Variants in DACH2 observed in about 807,000 individuals in gnomAD.
DACH2 encodes dachshund family transcription factor 2.
In DACH2, 17 loss-of-function variants were observed where a neutral mutation model predicts 35.8. That is an observed-to-expected ratio of 0.48 (90% confidence interval 0.33 to 0.71). The LOEUF is 0.71. Among genes scored for constraint, DACH2 ranks in the 30% least tolerant of loss-of-function variants. The probability of loss-of-function intolerance (pLI) is 0.02; values close to 1 mark genes in which losing one functional copy is unlikely to be tolerated. For missense variants in DACH2, 469 were observed against 472.7 expected, an observed-to-expected ratio of 0.99 and a Z score of 0.07; for synonymous variants, 195 against 177.3, an observed-to-expected ratio of 1.10 and a Z score of -0.79.
At chrX:86,420,728 G>A (rs936836243) in intron 2 of DACH2, among the ~76,000 whole-genome samples, 11 of 111,002 alleles carry the variant, frequency 9.9e-5, no homozygotes. Flanking sequence ...TTACTTTTAT[G>A]TAACATTTAA....
At chrX:86,184,214 T>A (rs2031605398) in intron 1 of DACH2, 1 of 158,200 alleles carries the variant, frequency 6.3e-6, no homozygotes, top group Non-Finnish European at 1.1e-5. Context: ...GTCTTCTGAT[T>A]TTTTTTTTTT....
chrX:86,538,349 G>A (rs2148296105), intron 3 of DACH2, among the ~76,000 whole-genome samples: 1 of 111,150 alleles, frequency 9.0e-6, no homozygotes, highest in South Asian at 3.8e-4. Flanking sequence ...GGCAATCTAG[G>A]CTTTTTCTTC....
At chrX:86,212,714 T>A (rs2032473872) in intron 1 of DACH2, among the ~76,000 whole-genome samples, 1 of 111,571 alleles carries the variant, frequency 9.0e-6, no homozygotes, top group African/African-American at 3.2e-5. Context: ...ATTATCTCAT[T>A]AACTAGGAGA....
chrX:86,464,221 G>A (rs2037625434), intron 2 of DACH2, among the ~76,000 whole-genome samples: 1 of 111,281 alleles, frequency 9.0e-6, no homozygotes, highest in Admixed American at 9.6e-5. Context: ...ACACACACAC[G>A]TATGTTTATT....
intron 2 of DACH2, among the ~76,000 whole-genome samples, chrX:86,404,679 C>T (rs147363188): frequency 1.8e-5 from 2 of 111,673 alleles, no homozygotes; most frequent in African/African-American, 3.3e-5. Context: ...TTGGATCTAA[C>T]GTTCTGGGAT....
intron 2 of DACH2, among the ~76,000 whole-genome samples, chrX:86,430,544 C>A (rs2036968860): frequency 8.9e-6 from 1 of 112,235 alleles, no homozygotes; most frequent in African/African-American, 3.2e-5. Context: ...ATTGTTTTAA[C>A]TGAATTATAT....
intron 3 of DACH2, among the ~76,000 whole-genome samples, chrX:86,535,956 C>A (rs5923553): frequency 1.8e-5 from 2 of 110,908 alleles, no homozygotes; most frequent in African/African-American, 6.6e-5. Context: ...TGCAGCGGCA[C>A]GGCAAAGGAG....
At chrX:86,535,388 C>A (rs946527289) in intron 3 of DACH2, among the ~76,000 whole-genome samples, 1 of 111,559 alleles carries the variant, frequency 9.0e-6, no homozygotes, top group South Asian at 3.7e-4. Context: ...CTAAGCCCCC[C>A]AGCCAATTGA....
intron 3 of DACH2, among the ~76,000 whole-genome samples, chrX:86,626,311 G>C (rs914256626): frequency 2.7e-5 from 3 of 112,718 alleles, no homozygotes; most frequent in Non-Finnish European, 5.6e-5. Flanking sequence ...GCAAGAGGTG[G>C]GTTCCCATGA....
chrX:86,536,716 C>T (rs1341769241), intron 3 of DACH2, among the ~76,000 whole-genome samples: 2 of 111,592 alleles, frequency 1.8e-5, no homozygotes, highest in African/African-American at 6.5e-5. Context: ...CCAATGTATA[C>T]CTTATATGTA....
chrX:86,302,195 C>T lies in DACH2; in HGVS notation c.489-74629C>T, dbSNP rs148205676. Among the ~76,000 whole-genome samples, 448 of 111,194 alleles carry T rather than the reference C, an allele frequency of 4.0e-3. 1 individual carries two copies. The highest frequency in any genetic ancestry group is 0.023 in the Middle Eastern group (5 of 213). ...TGCAATCTTTGACTTCCTAACTTTG[C>T]ATAAATATAGAAAGTAGATCTCCTT... On this transcript the variant is annotated intron_variant, in intron 1 of 11. Coordinates refer to ENST00000373125, the MANE Select transcript of DACH2 (RefSeq NM_053281.3).
intron 1 of DACH2, among the ~76,000 whole-genome samples, chrX:86,324,941 T>C (rs1026400534): frequency 6.4e-5 from 7 of 110,175 alleles, no homozygotes; most frequent in Non-Finnish European, 1.1e-4. Flanking sequence ...GCAAAAGTAT[T>C]AGGACTTGCC....
intron 3 of DACH2, among the ~76,000 whole-genome samples, chrX:86,648,190 A>C (rs373324433): frequency 2.1e-4 from 23 of 111,565 alleles, no homozygotes; most frequent in African/African-American, 7.4e-4. Context: ...GAAAAGGACA[A>C]CTTTTATACT....
intron 7 of DACH2, among the ~76,000 whole-genome samples, chrX:86,752,628 A>G (rs908024258): frequency 6.3e-5 from 7 of 111,668 alleles, no homozygotes; most frequent in Non-Finnish European, 1.3e-4. Context: ...TTTTTGCAGG[A>G]ATCATAGATT....
At position 86,205,463 on chromosome X, in the gene DACH2, TCCCTCCTTCCCTCCTTCCCTCCTTCCC is replaced by T. The variant is rs1569301517; in HGVS notation, c.488+56356_488+56382del. On this transcript the variant is annotated intron_variant, in intron 1 of 11. Transcript: ENST00000373125. The stretch of plus-strand genomic sequence containing the variant: ...CTCCCTCCCTCCCTCCCTCCCTCCC[TCCCTCCTTCCCTCCTTCCCTCCTTCCC>T]TCCTTCCTTCCTTCCTTCCTTCCTT... 4.7e-3 allele frequency among the ~76,000 whole-genome samples: 204 copies of T among 42,987 alleles called. 2 individuals are homozygous for T. Among genetic ancestry groups the T allele is most frequent in the African/African-American group, 0.036 (198 of 5,577 alleles). 37.3% of individuals were successfully genotyped at this position (42,987 alleles called of 115,157 possible). A position where few individuals can be genotyped will look rare whatever the true frequency, so the allele number is the denominator to read the frequency against.
At chrX:86,358,261 C>T (rs894879969) in intron 1 of DACH2, among the ~76,000 whole-genome samples, 4 of 111,426 alleles carry the variant, frequency 3.6e-5, no homozygotes, top group African/African-American at 1.3e-4. Flanking sequence ...AGAAAAAAAT[C>T]AGTTTAGATC....
At chrX:86,733,782 G>A (rs1247145388) in intron 6 of DACH2, among the ~76,000 whole-genome samples, 1 of 111,280 alleles carries the variant, frequency 9.0e-6, no homozygotes, top group Non-Finnish European at 1.9e-5. Flanking sequence ...GGCAATTAAT[G>A]AATTGATAGG....
intron 1 of DACH2, among the ~76,000 whole-genome samples, chrX:86,166,705 A>T (rs917561400): frequency 2.7e-5 from 3 of 111,457 alleles, no homozygotes; most frequent in African/African-American, 9.8e-5. Flanking sequence ...TGGGTCTGTC[A>T]TATATGGCTT....
intron 1 of DACH2, among the ~76,000 whole-genome samples, chrX:86,254,660 T>C (rs1358821771): frequency 6.5e-5 from 2 of 30,984 alleles, no homozygotes; most frequent in East Asian, 4.7e-3. Flanking sequence ...GTCTACTTAT[T>C]TTTTTTTTGT....
Sources: gnomAD v4.1 joint callset for allele counts (sites outside exome capture counted in the v4.1 genomes callset) on GRCh38, gnomAD v4.1.1 for gene constraint, MANE v1.5 for transcripts, NCBI Gene and HGNC (gene_info 2026-07-23, HGNC 2026-07-21) for gene names.